Variants in HEMK2 observed in about 807,000 individuals in gnomAD.
HEMK2 encodes HemK methyltransferase 2, ETF1 glutamine and histone H4 lysine.
chr21:28,877,837 C>A, the HEMK2 span, among the ~76,000 whole-genome samples: 2 of 152,058 alleles, frequency 1.3e-5, no homozygotes, highest in South Asian at 4.2e-4. Flanking sequence ...AAACTCCTAA[C>A]GAACTAAAGA....
chr21:28,885,343 CAT>C, the HEMK2 span: 4 of 1,566,110 alleles, frequency 2.6e-6, no homozygotes, highest in East Asian at 4.8e-5. Flanking sequence ...TCTCCCCTGC[CAT>C]AGTCCTTCGC....
At chr21:28,788,350 T>C in the HEMK2 span, among the ~76,000 whole-genome samples, 1 of 151,452 alleles carries the variant, frequency 6.6e-6, no homozygotes, top group African/African-American at 2.4e-5. Context: ...CAGTCATAAA[T>C]AGAAATGAAT....
the HEMK2 span, among the ~76,000 whole-genome samples, chr21:28,864,861 A>G: frequency 8.6e-6 from 1 of 116,844 alleles, no homozygotes; most frequent in African/African-American, 3.2e-5. Flanking sequence ...ATAGATAGAT[A>G]GATAGATGGA....
the HEMK2 span, among the ~76,000 whole-genome samples, chr21:28,820,486 A>G: frequency 6.6e-6 from 1 of 152,158 alleles, no homozygotes; most frequent in African/African-American, 2.4e-5. Flanking sequence ...AGACCACTGT[A>G]TGTTCTTCAA....
chr21:28,802,700 C>G, the HEMK2 span, among the ~76,000 whole-genome samples: 2 of 152,156 alleles, frequency 1.3e-5, no homozygotes, highest in African/African-American at 4.8e-5. Flanking sequence ...CACTGCACTT[C>G]AGCCTGGGTG....
At chr21:28,614,229 CTAAGA>C in the HEMK2 span, among the ~76,000 whole-genome samples, 1 of 152,044 alleles carries the variant, frequency 6.6e-6, no homozygotes, top group Non-Finnish European at 1.5e-5. Context: ...TTAGAACTAC[CTAAGA>C]TGTCTATTCT....
chr21:28,830,420 G>A, the HEMK2 span, among the ~76,000 whole-genome samples: 2 of 152,010 alleles, frequency 1.3e-5, no homozygotes, highest in Non-Finnish European at 2.9e-5. Flanking sequence ...CTGCCATGAC[G>A]GTAAGTTTCC....
the HEMK2 span, among the ~76,000 whole-genome samples, chr21:28,631,154 C>T: frequency 1.3e-5 from 2 of 152,098 alleles, no homozygotes; most frequent in Non-Finnish European, 2.9e-5. Flanking sequence ...TCTCCCTCTT[C>T]CTGGTTTATA....
chr21:28,775,971 TAA>T, the HEMK2 span, among the ~76,000 whole-genome samples: 1 of 146,632 alleles, frequency 6.8e-6, no homozygotes, highest in African/African-American at 2.5e-5. Flanking sequence ...GAGGTGAGGG[TAA>T]AAAAAAAAGA....
At chr21:28,771,522 C>A in the HEMK2 span, among the ~76,000 whole-genome samples, 7 of 119,162 alleles carry the variant, frequency 5.9e-5, no homozygotes, top group South Asian at 2.8e-4. Flanking sequence ...TGCACCACCC[C>A]CCCCCGCCAA....
chr21:28,761,224 A>G, the HEMK2 span, among the ~76,000 whole-genome samples: 1 of 152,142 alleles, frequency 6.6e-6, no homozygotes, highest in Non-Finnish European at 1.5e-5. Flanking sequence ...TTAGGTATAA[A>G]TGGGCACCAT....
the HEMK2 span, among the ~76,000 whole-genome samples, chr21:28,817,343 G>A: frequency 6.6e-6 from 1 of 152,028 alleles, no homozygotes; most frequent in African/African-American, 2.4e-5. Flanking sequence ...TAAAGATAAT[G>A]TATAATGAAG....
At chr21:28,878,785 A>T in the HEMK2 span, among the ~76,000 whole-genome samples, 2 of 151,760 alleles carry the variant, frequency 1.3e-5, no homozygotes, top group African/African-American at 4.8e-5. Flanking sequence ...ACACAGAAAG[A>T]AGCTAGAAGG....
the HEMK2 span, among the ~76,000 whole-genome samples, chr21:28,705,006 T>C: frequency 6.6e-6 from 1 of 152,328 alleles, no homozygotes; most frequent in South Asian, 2.1e-4. Context: ...ACTGCTGCTA[T>C]CGTTCGTACT....
chr21:28,675,659 G>A, the HEMK2 span, among the ~76,000 whole-genome samples: 2 of 152,190 alleles, frequency 1.3e-5, no homozygotes, highest in African/African-American at 4.8e-5. Context: ...AGATTTTCAG[G>A]AACGCATATT....
chr21:28,798,233 C>T, the HEMK2 span, among the ~76,000 whole-genome samples: 1 of 152,168 alleles, frequency 6.6e-6, no homozygotes, highest in Non-Finnish European at 1.5e-5. Flanking sequence ...AAAATCACTA[C>T]CTCCATGCCT....
chr21:28,736,044 T>G, the HEMK2 span, among the ~76,000 whole-genome samples: 1 of 152,142 alleles, frequency 6.6e-6, no homozygotes, highest in African/African-American at 2.4e-5. Flanking sequence ...TACCTTTTGA[T>G]GGAAGGAGCT....
chr21:28,618,244 A>G, the HEMK2 span, among the ~76,000 whole-genome samples: 2,482 of 152,306 alleles, frequency 0.016, 73 homozygotes, highest in African/African-American at 0.057. Flanking sequence ...AATCCCTCAT[A>G]GCTTCTTCCT....
At chr21:28,743,166 A>C in the HEMK2 span, 1 of 152,226 alleles carries the variant, frequency 6.6e-6, no homozygotes, top group Non-Finnish European at 1.5e-5. Flanking sequence ...TATTTTAAGA[A>C]GTCTTGGAAA....
Sources: allele counts gnomAD v4.1 joint callset (sites outside exome capture counted in the v4.1 genomes callset), GRCh38; gene constraint gnomAD v4.1.1; transcripts MANE v1.5; gene names NCBI Gene and HGNC (gene_info 2026-07-23, HGNC 2026-07-21).